The following EML2 variants were observed in gnomAD, a reference collection of about 807,000 sequenced individuals.
EML2 encodes EMAP like 2.
In EML2, 59 loss-of-function variants were observed where a neutral mutation model predicts 84.7. That is an observed-to-expected ratio of 0.70 (90% CI 0.56 to 0.86). The LOEUF (loss-of-function observed/expected upper bound fraction) is 0.86. Among genes scored for constraint, EML2 ranks in the 40% least tolerant of loss-of-function variants. The pLI is 0.00. For missense variants in EML2, 818 were observed against 855.6 expected (o/e 0.96, Z 0.55); for synonymous variants, 352 against 348.9 (o/e 1.01, Z -0.10).
chr19:45,615,525 TAATAATAATAATA>T (rs1464294665), intron 16 of EML2, among the ~76,000 whole-genome samples: 2 of 143,822 alleles, frequency 1.4e-5, no homozygotes, highest in Non-Finnish European at 3.0e-5. Flanking sequence ...CTCAAAATAA[TAATAATAATAATA>T]ATAATAATAA....
At chr19:45,635,082 C>G (rs969005829) in intron 3 of EML2, among the ~76,000 whole-genome samples, 3 of 152,252 alleles carry the variant, frequency 2.0e-5, no homozygotes, top group African/African-American at 4.8e-5. Flanking sequence ...ATCTCCTGAC[C>G]TCATGATCCG....
At chr19:45,641,039 AC>A (rs1276648919), upstream of EML2, 1 of 153,138 alleles carries the variant, frequency 6.5e-6, no homozygotes. Flanking sequence ...TTATGTGAAT[AC>A]CTTCGAGGCC....
chr19:45,635,880 C>T (rs933895660), intron 3 of EML2, among the ~76,000 whole-genome samples: 13 of 151,856 alleles, frequency 8.6e-5, no homozygotes, highest in African/African-American at 3.1e-4. Flanking sequence ...GCATGAGCCA[C>T]CGCGCCCGGG....
intron 8 of EML2, 28 bp from the exon 9 acceptor site, chr19:45,624,846 CAG>C (rs1972120079): frequency 6.5e-7 from 1 of 1,540,872 alleles, no homozygotes; most frequent in African/African-American, 1.4e-5. Context: ...AGGAAGGTGT[CAG>C]AGCGTCACTG....
At chr19:45,633,728 A>G (rs1490772852) in intron 4 of EML2, among the ~76,000 whole-genome samples, 1 of 151,888 alleles carries the variant, frequency 6.6e-6, no homozygotes, top group African/African-American at 2.4e-5. Context: ...ACAGAGTGAG[A>G]CTAGTTCTCA....
Position 45,616,560 on chromosome 19 carries a change from TGGGGGA to T in EML2, c.1412-8_1412-3del. ...AGCCCACGGCCAGGTACGCCCCGTC[TGGGGGA>T]GGGGGAGGGGGGCTATGAGGAGGCA... On this transcript the variant is annotated splice_polypyrimidine_tract_variant and splice_region_variant and intron_variant, in intron 14 of 18. Transcript: ENST00000245925. The T allele has an allele frequency of 3.1e-6, 5 of 1,607,408 alleles. No individual in the cohort carries two copies. The highest frequency in any genetic ancestry group is 2.2e-5 in the East Asian group (1 of 44,656).
chr19:45,615,784 G>T lies in EML2; in HGVS notation c.1597+18C>A. 1.9e-6 allele frequency: 3 copies of T among 1,606,186 alleles called. No individual in the cohort carries two copies. The highest frequency in any genetic ancestry group is 2.6e-6 in the Non-Finnish European group (3 of 1,173,160). On this transcript the variant is annotated intron_variant, in intron 16 of 18. Coordinates refer to ENST00000245925, the MANE Select transcript of EML2 (RefSeq NM_012155.4). ...ATGAGACGGAGGAAGTAATGTCTCT[G>T]GGTCCCGGAGAACTCACAGTACAGA...
At chr19:45,621,356 G>A in intron 10 of EML2, 24 bp from the exon 11 acceptor site, 2 of 1,587,274 alleles carry the variant, frequency 1.3e-6, no homozygotes, top group East Asian at 4.5e-5. Context: ...TAAGAGGGAA[G>A]ATGAGTAGGA....
upstream of EML2, chr19:45,643,823 C>T: frequency 7.1e-7 from 1 of 1,412,216 alleles, no homozygotes; most frequent in Non-Finnish European, 9.3e-7. Context: ...GGTCCGGTGC[C>T]TGGACCTGCA....
rs1298522554 is a variant in EML2, at chr19:45,626,737, C to T, written c.709G>A (p.Gly237Ser). 6 of 1,613,756 alleles carry T rather than the reference C, an allele frequency of 3.7e-6. No homozygotes were observed. In the South Asian group the frequency reaches 6.6e-5, roughly 18 times the overall value. Residue 237 changes from glycine (G) to serine (S), a missense_variant, in exon 8 of 19, where the codon GGC becomes AGC. Transcript: ENST00000245925. ...SHIYFWTLEG[G>S]SLSKRQGLFE... ...AGGCCTTGCCGCTTGCTCAAGCTGC[C>T]CCCCTCCAAGGTCCAGAAGTAGATG...
chr19:45,611,910 C>T (rs959725201), intron 18 of EML2, among the ~76,000 whole-genome samples: 1 of 152,028 alleles, frequency 6.6e-6, no homozygotes, highest in Non-Finnish European at 1.5e-5. Flanking sequence ...GCCTTGCTGT[C>T]GCTCAGGCTG....
chr19:45,626,745 A>G lies in EML2; in HGVS notation c.701T>C (p.Leu234Ser), dbSNP rs1224680673. 3 of 1,613,490 alleles carry G rather than the reference A, an allele frequency of 1.9e-6. No individual in the cohort carries two copies. Among genetic ancestry groups the G allele is most frequent in the East Asian group, 2.2e-5 (1 of 44,864 alleles). The part of the protein sequence containing the change: ...CGKSHIYFWT[L>S]EGGSLSKRQG... ...CCGCTTGCTCAAGCTGCCCCCCTCC[A>G]AGGTCCAGAAGTAGATGTGAGATTT... Residue 234 changes from leucine (L) to serine (S), a missense_variant, in exon 8 of 19, where the codon TTG becomes TCG. Transcript: ENST00000245925.
At chr19:45,640,199 C>T (rs1974292917), upstream of EML2, 2 of 152,218 alleles carry the variant, frequency 1.3e-5, no homozygotes, top group Non-Finnish European at 2.9e-5. Context: ...TGCACCATAA[C>T]TCCAGCCTTA....
chr19:45,641,040 C>T (rs1324397528), upstream of EML2: 1 of 153,480 alleles, frequency 6.5e-6, no homozygotes, highest in East Asian at 1.9e-4. Context: ...TATGTGAATA[C>T]CTTCGAGGCC....
chr19:45,630,257 TAAA>T (rs1276999963), intron 6 of EML2, among the ~76,000 whole-genome samples: 1 of 149,550 alleles, frequency 6.7e-6, no homozygotes, highest in Admixed American at 6.7e-5. Flanking sequence ...ATTTAAATAT[TAAA>T]AAAAAATAAA....
At chr19:45,633,016 GT>G in intron 5 of EML2, 45 bp from the exon 6 acceptor site, 1 of 1,603,482 alleles carries the variant, frequency 6.2e-7, no homozygotes, top group Non-Finnish European at 8.5e-7. Context: ...CCAGCTGCTT[GT>G]CCCCCACAAC....
chr19:45,613,715 C>T, intron 17 of EML2, 44 bp from the exon 18 acceptor site: 1 of 1,596,224 alleles, frequency 6.3e-7, no homozygotes, highest in Non-Finnish European at 8.6e-7. Flanking sequence ...CAGCTGGAGC[C>T]AGGGACCGCC....
upstream of EML2, chr19:45,643,623 C>A: frequency 6.5e-7 from 1 of 1,536,130 alleles, no homozygotes; most frequent in Non-Finnish European, 8.7e-7. Context: ...TGGTTCCCAG[C>A]CTGGTGGAAG....
chr19:45,626,231 C>G (rs1222089281), intron 8 of EML2, among the ~76,000 whole-genome samples: 2 of 151,756 alleles, frequency 1.3e-5, no homozygotes, highest in East Asian at 3.9e-4. Context: ...AGGCTGGTCT[C>G]GAACTCCTGG....
Sources: gnomAD v4.1 joint callset for allele counts (sites outside exome capture counted in the v4.1 genomes callset) on GRCh38, gnomAD v4.1.1 for gene constraint, MANE v1.5 for transcripts, NCBI Gene and HGNC (gene_info 2026-07-23, HGNC 2026-07-21) for gene names.